The following SMPX variants were observed in gnomAD, a reference collection of about 807,000 sequenced individuals.
SMPX encodes the protein small muscle protein X-linked.
In SMPX, 2 loss-of-function variants were observed where a neutral mutation model predicts 6.3. The ratio of observed to expected loss-of-function variants is 0.32; its 90% CI spans 0.13 to 0.99. The LOEUF is 0.99. Ranked by LOEUF, SMPX falls within the 50% of genes least tolerant of loss-of-function variation. The pLI, the probability that SMPX is intolerant of heterozygous loss-of-function variation, is 0.49. For synonymous variants in SMPX, 32 were observed against 24.7 expected, an observed-to-expected ratio of 1.30 and a Z score of -0.88; for missense variants, 60 against 66.8, an observed-to-expected ratio of 0.90 and a Z score of 0.36.
intron 3 of SMPX, among the ~76,000 whole-genome samples, chrX:21,743,365 C>T (rs1367148422): frequency 4.5e-5 from 5 of 111,241 alleles, no homozygotes; most frequent in African/African-American, 9.8e-5. Flanking sequence ...CTAGTGACTA[C>T]TGCTAGACGA....
At chrX:21,710,325 T>G (rs1012749435) in intron 4 of SMPX, among the ~76,000 whole-genome samples, 2 of 111,917 alleles carry the variant, frequency 1.8e-5, no homozygotes, top group African/African-American at 6.5e-5. Context: ...AAAAATTGTA[T>G]GTTCTCATAA....
intron 2 of SMPX, among the ~76,000 whole-genome samples, chrX:21,749,700 C>T (rs2092825397): frequency 8.9e-6 from 1 of 111,917 alleles, no homozygotes; most frequent in African/African-American, 3.2e-5. Context: ...CATGGAAATC[C>T]CACTGCACTG....
At chrX:21,741,360 A>G (rs370604877) in intron 3 of SMPX, among the ~76,000 whole-genome samples, 8 of 112,203 alleles carry the variant, frequency 7.1e-5, no homozygotes, top group African/African-American at 2.6e-4. Flanking sequence ...AAGTCTACAA[A>G]ATTAAGCAAT....
intron 4 of SMPX, among the ~76,000 whole-genome samples, chrX:21,717,100 C>T (rs1037113116): frequency 9.0e-6 from 1 of 111,188 alleles, no homozygotes; most frequent in Non-Finnish European, 1.9e-5. Flanking sequence ...CTTCTGGGGG[C>T]TGATATGGTT....
chrX:21,747,065 A>C (rs2092822268), intron 2 of SMPX, among the ~76,000 whole-genome samples: 1 of 112,047 alleles, frequency 8.9e-6, no homozygotes, highest in Admixed American at 9.5e-5. Flanking sequence ...TTTGCTACAC[A>C]AAATAGGCTT....
chrX:21,709,018 G>A (rs2092775802), intron 4 of SMPX, among the ~76,000 whole-genome samples: 1 of 112,605 alleles, frequency 8.9e-6, no homozygotes, highest in Non-Finnish European at 1.9e-5. Context: ...AAAAATTCCA[G>A]TGTGTGTGTT....
chrX:21,721,858 A>C (rs1248407679), intron 4 of SMPX, among the ~76,000 whole-genome samples: 1 of 112,427 alleles, frequency 8.9e-6, no homozygotes, highest in Non-Finnish European at 1.9e-5. Context: ...ATATTTGAGA[A>C]AAGCTATAAA....
At chrX:21,716,426 T>C (rs2092785199) in intron 4 of SMPX, among the ~76,000 whole-genome samples, 1 of 112,215 alleles carries the variant, frequency 8.9e-6, no homozygotes, top group Non-Finnish European at 1.9e-5. Context: ...CCAGCTTTCC[T>C]GCTTTCCACT....
intron 4 of SMPX, among the ~76,000 whole-genome samples, chrX:21,736,395 A>G (rs1157239686): frequency 8.9e-6 from 1 of 112,131 alleles, no homozygotes; most frequent in East Asian, 2.8e-4. Context: ...TTGAAGCAAT[A>G]TAACAAGTAG....
chrX:21,755,332 T>C (rs1454475316), intron 1 of SMPX, among the ~76,000 whole-genome samples: 1 of 113,004 alleles, frequency 8.8e-6, no homozygotes, highest in African/African-American at 3.2e-5. Flanking sequence ...AGTAAAAGAA[T>C]GCAAAAAGCA....
At chrX:21,723,639 G>A (rs1195214879) in intron 4 of SMPX, among the ~76,000 whole-genome samples, 1 of 112,281 alleles carries the variant, frequency 8.9e-6, no homozygotes, top group East Asian at 2.8e-4. Flanking sequence ...GAGGTTGTCA[G>A]TGGTGCTGTG....
At chrX:21,716,941 T>G (rs926288126) in intron 4 of SMPX, among the ~76,000 whole-genome samples, 1 of 112,395 alleles carries the variant, frequency 8.9e-6, no homozygotes, top group African/African-American at 3.2e-5. Context: ...TTATTTTATT[T>G]GTATAAATTT....
chrX:21,708,787 A>G (rs1355629393), intron 4 of SMPX, among the ~76,000 whole-genome samples: 1 of 112,777 alleles, frequency 8.9e-6, no homozygotes. Flanking sequence ...TTTTAAGTGT[A>G]TAATACATTA....
At chrX:21,708,007 T>C (rs1489419540) in intron 4 of SMPX, among the ~76,000 whole-genome samples, 1 of 112,958 alleles carries the variant, frequency 8.9e-6, no homozygotes, top group Admixed American at 9.3e-5. Flanking sequence ...CTAATTGATA[T>C]GGTGCCACTT....
At chrX:21,752,081 C>T (rs1167575316) in intron 2 of SMPX, among the ~76,000 whole-genome samples, 8 of 112,280 alleles carry the variant, frequency 7.1e-5, no homozygotes, top group Non-Finnish European at 1.5e-4. Context: ...CATAAGGAAC[C>T]GCTGTATTGC....
chrX:21,747,161 T>G (rs181370799), intron 2 of SMPX, among the ~76,000 whole-genome samples: 403 of 112,014 alleles, frequency 3.6e-3, no homozygotes, highest in African/African-American at 0.013. Context: ...AGGATAGGCT[T>G]CCTTCTCTCT....
At chrX:21,756,213 A>G (rs976039036) in intron 1 of SMPX, among the ~76,000 whole-genome samples, 1 of 112,685 alleles carries the variant, frequency 8.9e-6, no homozygotes, top group Non-Finnish European at 1.9e-5. Context: ...ATCAATTTGA[A>G]ACAGGGATTA....
intron 4 of SMPX, among the ~76,000 whole-genome samples, chrX:21,725,803 G>A (rs758851323): frequency 1.7e-4 from 19 of 112,273 alleles, no homozygotes; most frequent in African/African-American, 5.8e-4. Flanking sequence ...GCTCATATTA[G>A]TCACAGATAA....
At chrX:21,712,215 C>A (rs745798391) in intron 4 of SMPX, among the ~76,000 whole-genome samples, 2 of 112,294 alleles carry the variant, frequency 1.8e-5, no homozygotes, top group South Asian at 7.4e-4. Context: ...GTGAAACATC[C>A]ACCAAAGTTG....
Sources: allele counts gnomAD v4.1 joint callset (sites outside exome capture counted in the v4.1 genomes callset), GRCh38; gene constraint gnomAD v4.1.1; transcripts MANE v1.5; gene names NCBI Gene and HGNC (gene_info 2026-07-23, HGNC 2026-07-21).